Variants in MYH15 observed in about 807,000 individuals in gnomAD.
MYH15 encodes myosin heavy chain 15.
MYH15 carries 227 observed loss-of-function variants against 240.5 expected under a neutral mutation model. That is an observed-to-expected ratio of 0.94 (90% confidence interval 0.85 to 1.05). The LOEUF (loss-of-function observed/expected upper bound fraction) is 1.05. Among genes scored for constraint, MYH15 ranks in the 50% least tolerant of loss-of-function variants. The probability of loss-of-function intolerance (pLI) is 0.00; values close to 1 mark genes in which losing one functional copy is unlikely to be tolerated. For synonymous variants in MYH15, 785 were observed against 796.7 expected (o/e 0.99, Z 0.25); for missense variants, 2,217 against 2,247.5 (o/e 0.99, Z 0.27).
chr3:108,428,839 T>C lies in MYH15; in HGVS notation c.3355A>G (p.Thr1119Ala), dbSNP rs2082751218. 2 of 1,611,828 alleles carry C rather than the reference T, an allele frequency of 1.2e-6. No individual in the cohort carries two copies. The highest frequency in any genetic ancestry group is 8.5e-7 in the Non-Finnish European group (1 of 1,179,524). ...DLKEKLEAER[T>A]TRAKMERERA... ...TCCCTTTCCATCTTGGCTCGAGTGG[T>C]CCTTTCAGCTTCTAGTTTCTCTTTC... Residue 1119 changes from threonine to alanine, a missense_variant, in exon 27 of 41, where the codon ACC becomes GCC. Transcript: ENST00000693548.
upstream of MYH15, among the ~76,000 whole-genome samples, chr3:108,514,082 C>T (rs2083542049): frequency 6.6e-6 from 1 of 152,142 alleles, no homozygotes; most frequent in Admixed American, 6.5e-5. Context: ...AGCTTTTCCT[C>T]TTAGCCAAGA....
rs2082441653 is a variant in MYH15, at chr3:108,394,138, G to A, written c.5152C>T (p.Gln1718Ter). 3 of 1,614,014 alleles carry A rather than the reference G, an allele frequency of 1.9e-6. No individual in the cohort carries two copies. In the African/African-American group the frequency reaches 4.0e-5, roughly 22 times the overall value. Residue 1718 changes from glutamine (Q) to a stop codon, truncating the protein, a stop_gained, in exon 36 of 41, where the codon CAG (glutamine) becomes TAG (stop). Coordinates refer to ENST00000693548, the MANE Select transcript of MYH15 (RefSeq NM_014981.3). LOFTEE classifies it high-confidence loss of function. ...FYTQNTSLLS[Q>*]KKKLEADVAR... Reference sequence around the variant, plus strand: ...ACATCAGCCTCCAGTTTCTTCTTCTGGCTGAGGAGGCTTGTGTTCTAAAGA... The same window carrying A: ...ACATCAGCCTCCAGTTTCTTCTTCTAGCTGAGGAGGCTTGTGTTCTAAAGA...
chr3:108,501,113 T>A (rs951827882), intron 3 of MYH15, among the ~76,000 whole-genome samples: 1 of 152,172 alleles, frequency 6.6e-6, no homozygotes, highest in African/African-American at 2.4e-5. Context: ...CTAATACAGT[T>A]ACATGGTAAA....
chr3:108,443,758 T>C (rs535146287), intron 22 of MYH15, among the ~76,000 whole-genome samples: 13 of 152,050 alleles, frequency 8.5e-5, no homozygotes, highest in African/African-American at 3.1e-4. Context: ...TTAAAGACAA[T>C]GGTTCTTAAT....
intron 35 of MYH15, among the ~76,000 whole-genome samples, chr3:108,396,728 T>C (rs948744743): frequency 1.3e-5 from 2 of 152,200 alleles, no homozygotes; most frequent in Admixed American, 6.5e-5. Flanking sequence ...TGTTGGGAAT[T>C]ATCTATAACC....
At chr3:108,384,580 A>T (rs2290600) in intron 39 of MYH15, 107 bp downstream of exon 39, 77 of 981,506 alleles carry the variant, frequency 7.8e-5, no homozygotes, top group Admixed American at 1.6e-4. Flanking sequence ...CTCTAAGCTG[A>T]GCAGGTCCTC....
intron 27 of MYH15, among the ~76,000 whole-genome samples, chr3:108,423,432 C>G (rs10933943): frequency 1.3e-5 from 2 of 152,162 alleles, no homozygotes; most frequent in African/African-American, 4.8e-5. Flanking sequence ...GTTTCTCGAA[C>G]GATGCCATCA....
Position 108,505,603 on chromosome 3 carries a change from C to A in MYH15, c.195+120G>T, listed in dbSNP as rs900286409. The A allele has an allele frequency of 1.0e-5, 5 of 477,390 alleles. No homozygotes were observed. The East Asian group carries it at 1.9e-4, about 18-fold the overall frequency. 29.6% of individuals were successfully genotyped at this position (477,390 alleles called of 1,614,324 possible). A position where few individuals can be genotyped will look rare whatever the true frequency, so the allele number is the denominator to read the frequency against. ...AGGAGCTTCTTAAAATGAATGACTC[C>A]GAAGTGAGTCAGTGGCATCTCCTAC... On this transcript the variant is annotated intron_variant, in intron 2 of 40. Coordinates refer to ENST00000693548, the MANE Select transcript of MYH15 (RefSeq NM_014981.3).
intron 21 of MYH15, among the ~76,000 whole-genome samples, chr3:108,448,583 C>T (rs1224779281): frequency 2.0e-5 from 3 of 151,876 alleles, no homozygotes; most frequent in East Asian, 3.8e-4. Flanking sequence ...GATTTAACAT[C>T]CATCCATTCA....
chr3:108,491,248 T>A (rs910668298), intron 9 of MYH15, among the ~76,000 whole-genome samples: 6 of 152,168 alleles, frequency 3.9e-5, no homozygotes, highest in Non-Finnish European at 5.9e-5. Context: ...TAAGCTCATA[T>A]GGGCAGAGGC....
intron 11 of MYH15, among the ~76,000 whole-genome samples, chr3:108,476,829 A>C (rs1231049547): frequency 6.6e-6 from 1 of 152,158 alleles, no homozygotes; most frequent in African/African-American, 2.4e-5. Flanking sequence ...ACAAGTGTTG[A>C]CAAGGATGTG....
chr3:108,396,629 T>A (rs191705080), intron 35 of MYH15, among the ~76,000 whole-genome samples: 57 of 152,212 alleles, frequency 3.7e-4, no homozygotes, highest in African/African-American at 1.3e-3. Context: ...GTTACTTTTT[T>A]AAAAAAAGTC....
At chr3:108,526,847 G>A (rs773304965) in intron 1 of MYH15, among the ~76,000 whole-genome samples, 3 of 152,054 alleles carry the variant, frequency 2.0e-5, no homozygotes, top group Non-Finnish European at 4.4e-5. Flanking sequence ...GGTGAGGACT[G>A]GTGTTTTGGT....
chr3:108,496,630 G>T (rs533713858), intron 6 of MYH15, among the ~76,000 whole-genome samples: 1 of 151,900 alleles, frequency 6.6e-6, no homozygotes, highest in South Asian at 2.1e-4. Flanking sequence ...ATAATTTATG[G>T]ATTTATAAAT....
chr3:108,500,843 G>A (rs184450412), intron 3 of MYH15, among the ~76,000 whole-genome samples: 14 of 152,288 alleles, frequency 9.2e-5, no homozygotes, highest in African/African-American at 2.4e-4. Context: ...AATAACTTGT[G>A]TTCTTATAAG....
chr3:108,431,080 C>T (rs893583689), intron 25 of MYH15, among the ~76,000 whole-genome samples, 158 bp from the exon 26 acceptor site: 1 of 152,056 alleles, frequency 6.6e-6, no homozygotes, highest in Admixed American at 6.5e-5. Context: ...TGTATACAGG[C>T]ATCAAAATAG....
chr3:108,463,907 T>C (rs558540765), intron 15 of MYH15, among the ~76,000 whole-genome samples: 1 of 151,624 alleles, frequency 6.6e-6, no homozygotes, highest in African/African-American at 2.4e-5. Context: ...AGCAGTCCTT[T>C]AAAGGCAAGA....
rs1002797651 is a variant in MYH15, at chr3:108,414,276, A to G, written c.4101T>C (p.Tyr1367=). 1 of 1,614,174 alleles carries G rather than the reference A, an allele frequency of 6.2e-7. No individual in the cohort carries two copies. The highest frequency in any genetic ancestry group is 8.5e-7 in the Non-Finnish European group (1 of 1,180,028). The part of the protein sequence containing the change: ...NAEMVQWRMK[Y]ENNVIQRTED... The stretch of plus-strand genomic sequence containing the variant: ...CTGTTCTCTGGATGACATTGTTTTC[A>G]TACTTCATTCTCCATTGCACCATTT... Residue 1367 remains tyrosine (Y), a synonymous_variant, in exon 30 of 41, where the codon TAT becomes TAC. Transcript: ENST00000693548.
intron 31 of MYH15, among the ~76,000 whole-genome samples, chr3:108,408,771 T>C (rs1485723481): frequency 6.6e-6 from 1 of 152,102 alleles, no homozygotes; most frequent in Non-Finnish European, 1.5e-5. Flanking sequence ...TGCTTAGCTA[T>C]CAACATTAGT....
Sources: gnomAD v4.1 joint callset for allele counts (sites outside exome capture counted in the v4.1 genomes callset) on GRCh38, gnomAD v4.1.1 for gene constraint, MANE v1.5 for transcripts, NCBI Gene and HGNC (gene_info 2026-07-23, HGNC 2026-07-21) for gene names.